Variants in ZSWIM6 observed in about 807,000 individuals in gnomAD.
The protein encoded by ZSWIM6 is zinc finger SWIM-type containing 6.
A neutral mutation model predicts 113.2 loss-of-function variants in ZSWIM6; 9 were observed. The observed-to-expected ratio is 0.08, with a 90% CI of 0.05 to 0.14. The LOEUF (loss-of-function observed/expected upper bound fraction) is 0.14. Among genes scored for constraint, ZSWIM6 ranks in the 10% least tolerant of loss-of-function variants. ZSWIM6 has a pLI of 1.00. For synonymous variants in ZSWIM6, 611 were observed against 606.5 expected, an observed-to-expected ratio of 1.01 and a Z score of -0.11; for missense variants, 1,162 against 1,552.2, an observed-to-expected ratio of 0.75 and a Z score of 4.22.
chr5:61,408,699 A>C (rs1746089950), intron 1 of ZSWIM6, among the ~76,000 whole-genome samples: 1 of 152,288 alleles, frequency 6.6e-6, no homozygotes, highest in Non-Finnish European at 1.5e-5. Flanking sequence ...GTTAAATAAA[A>C]AGGAAGTGCA....
At chr5:61,538,766 A>T (rs757552733) in intron 10 of ZSWIM6, 48 bp from the exon 11 acceptor site, 11 of 1,515,322 alleles carry the variant, frequency 7.3e-6, no homozygotes, top group Non-Finnish European at 9.8e-6. Context: ...GGCCAAGGAC[A>T]TGGTCAAGAA....
chr5:61,384,754 A>G (rs1745559449), intron 1 of ZSWIM6, among the ~76,000 whole-genome samples: 3 of 152,090 alleles, frequency 2.0e-5, no homozygotes, highest in African/African-American at 7.2e-5. Flanking sequence ...TTGCTCTGCC[A>G]TCTTGTAAAA....
At chr5:61,341,253 A>G (rs1410694868) in intron 1 of ZSWIM6, among the ~76,000 whole-genome samples, 2 of 151,990 alleles carry the variant, frequency 1.3e-5, no homozygotes, top group African/African-American at 4.8e-5. Flanking sequence ...GGTGCATCCC[A>G]TCCAGGGTGG....
rs573087434 is a variant in ZSWIM6, at chr5:61,488,241, A to G, written c.1034-2545A>G. ...GATCATGGTGTATAATCTTTCTGAC[A>G]TACTGTTGGATTGGGTTTGCTAGTA... is the stretch of plus-strand genomic sequence containing the variant. On this transcript the variant is annotated intron_variant, in intron 2 of 13. Transcript: ENST00000252744. Among the ~76,000 whole-genome samples the G allele has an allele frequency of 2.6e-5, 4 of 152,070 alleles. No homozygotes were observed. The South Asian group carries it at 6.2e-4, about 24-fold the overall frequency.
chr5:61,338,916 C>A (rs1396319284), intron 1 of ZSWIM6, among the ~76,000 whole-genome samples: 1 of 152,096 alleles, frequency 6.6e-6, no homozygotes, highest in African/African-American at 2.4e-5. Flanking sequence ...AGAATTATTG[C>A]AATTAATTGA....
chr5:61,460,878 A>C (rs903573802), intron 1 of ZSWIM6, among the ~76,000 whole-genome samples: 3 of 151,826 alleles, frequency 2.0e-5, no homozygotes, highest in Non-Finnish European at 2.9e-5. Context: ...TTTCTATATT[A>C]TTTATTCTAT....
intron 1 of ZSWIM6, among the ~76,000 whole-genome samples, chr5:61,336,719 C>G (rs1296275270): frequency 2.6e-5 from 4 of 152,024 alleles, no homozygotes; most frequent in African/African-American, 9.7e-5. Flanking sequence ...CGCATCATTG[C>G]ACACTCCAGC....
chr5:61,529,758 A>G (rs528552184), intron 7 of ZSWIM6, among the ~76,000 whole-genome samples: 1 of 152,318 alleles, frequency 6.6e-6, no homozygotes, highest in African/African-American at 2.4e-5. Context: ...TGTAAGTAGT[A>G]ATGTTGACTC....
At chr5:61,379,045 G>T (rs775722297) in intron 1 of ZSWIM6, among the ~76,000 whole-genome samples, 1 of 151,736 alleles carries the variant, frequency 6.6e-6, no homozygotes, top group Non-Finnish European at 1.5e-5. Flanking sequence ...GCTGGGTGTC[G>T]TGGTGCGTGC....
intron 1 of ZSWIM6, among the ~76,000 whole-genome samples, chr5:61,365,484 A>G (rs752151113): frequency 1.3e-5 from 2 of 152,122 alleles, no homozygotes; most frequent in Non-Finnish European, 2.9e-5. Context: ...GCAGTCCTTG[A>G]TATAGTTGCT....
intron 4 of ZSWIM6, among the ~76,000 whole-genome samples, chr5:61,505,747 C>G (rs192512462): frequency 7.0e-6 from 1 of 142,188 alleles, no homozygotes; most frequent in African/African-American, 2.7e-5. Context: ...CTCTCTCTCT[C>G]TCTTTCTTTC....
chr5:61,337,894 A>G (rs1053013196), intron 1 of ZSWIM6, among the ~76,000 whole-genome samples: 1 of 152,140 alleles, frequency 6.6e-6, no homozygotes, highest in Non-Finnish European at 1.5e-5. Flanking sequence ...AGAGGCATAT[A>G]TTTTTGTAAT....
At chr5:61,336,645 C>T (rs1168628175) in intron 1 of ZSWIM6, among the ~76,000 whole-genome samples, 1 of 152,022 alleles carries the variant, frequency 6.6e-6, no homozygotes, top group Admixed American at 6.5e-5. Flanking sequence ...ATCTCAGCTA[C>T]TTGGGAAGCT....
At chr5:61,507,442 C>G (rs1190739271) in intron 4 of ZSWIM6, among the ~76,000 whole-genome samples, 2 of 152,148 alleles carry the variant, frequency 1.3e-5, no homozygotes, top group Non-Finnish European at 2.9e-5. Context: ...AGCAGGCAAA[C>G]AGCATACATG....
chr5:61,358,020 C>T (rs1454736172), intron 1 of ZSWIM6, among the ~76,000 whole-genome samples: 1 of 152,200 alleles, frequency 6.6e-6, no homozygotes, highest in Non-Finnish European at 1.5e-5. Flanking sequence ...CCTGGAACAT[C>T]CCTGGATGGT....
intron 12 of ZSWIM6, among the ~76,000 whole-genome samples, chr5:61,541,189 C>T (rs377222691): frequency 1.6e-4 from 25 of 151,990 alleles, no homozygotes; most frequent in African/African-American, 5.1e-4. Context: ...TGATCCATTC[C>T]GCCTCAGCCT....
chr5:61,400,192 C>A (rs1485377080), intron 1 of ZSWIM6, among the ~76,000 whole-genome samples: 4 of 152,126 alleles, frequency 2.6e-5, no homozygotes, highest in Non-Finnish European at 5.9e-5. Flanking sequence ...GTATGCATTC[C>A]TTGCCCTCCT....
At chr5:61,334,149 G>A (rs1054514987) in intron 1 of ZSWIM6, among the ~76,000 whole-genome samples, 3 of 152,220 alleles carry the variant, frequency 2.0e-5, no homozygotes, top group Non-Finnish European at 1.5e-5. Flanking sequence ...GAGCTGCACA[G>A]CCTTCCTTTC....
At chr5:61,376,673 T>G (rs1346889999) in intron 1 of ZSWIM6, among the ~76,000 whole-genome samples, 5 of 138,952 alleles carry the variant, frequency 3.6e-5, no homozygotes, top group African/African-American at 1.4e-4. Context: ...AGAGGAATTA[T>G]TTTAAATAGA....
Sources: gnomAD v4.1 joint callset for allele counts (sites outside exome capture counted in the v4.1 genomes callset) on GRCh38, gnomAD v4.1.1 for gene constraint, MANE v1.5 for transcripts, NCBI Gene and HGNC (gene_info 2026-07-23, HGNC 2026-07-21) for gene names.